INSC: variants seen among roughly 807,000 people sequenced by gnomAD.
The protein encoded by INSC is protein inscuteable homolog.
Under a neutral mutation model 58.6 loss-of-function variants are expected in INSC, and 67 were observed. The ratio of observed to expected loss-of-function variants is 1.14; its 90% CI spans 0.94 to 1.40. The LOEUF is 1.40. Among genes scored for constraint, INSC ranks in the 40% most tolerant of loss-of-function variants. The pLI, the probability that INSC is intolerant of heterozygous loss-of-function variation, is 0.00. For synonymous variants in INSC, 262 were observed against 276.1 expected, an observed-to-expected ratio of 0.95 and a Z score of 0.51; for missense variants, 714 against 692.0, an observed-to-expected ratio of 1.03 and a Z score of -0.36.
intron 7 of INSC, among the ~76,000 whole-genome samples, chr11:15,210,407 G>A (rs1696739027): frequency 6.6e-6 from 1 of 152,120 alleles, no homozygotes; most frequent in Non-Finnish European, 1.5e-5. Flanking sequence ...CCTGTTCTGT[G>A]GGTTTGGGTT....
In INSC at chr11:15,147,192, C is replaced by T. The variant is rs77952543; in HGVS notation, c.-45-1938C>T. Among the ~76,000 whole-genome samples the T allele has an allele frequency of 2.2e-3, 338 of 152,264 alleles. 1 individual carries two copies. The highest frequency in any genetic ancestry group is 7.4e-3 in the African/African-American group (309 of 41,526). ...GTCAAACATATCAAAAGGGAGCAAA[C>T]GCCTCATTTTATTGTTCCTAGTTTT... On this transcript the variant is annotated intron_variant, in intron 1 of 12. Transcript: ENST00000379556.
chr11:15,203,435 G>A (rs1291575219), intron 7 of INSC, among the ~76,000 whole-genome samples: 1 of 152,144 alleles, frequency 6.6e-6, no homozygotes, highest in Admixed American at 6.5e-5. Context: ...ACCCTGGTAA[G>A]AGCCCCTGAG....
chr11:15,190,940 G>A, intron 6 of INSC, 126 bp downstream of exon 6: 1 of 653,294 alleles, frequency 1.5e-6, no homozygotes, highest in Non-Finnish European at 2.7e-6. Context: ...GAGTCTCCTT[G>A]GGAGAGTCAC....
rs747072235 is a variant in INSC, at chr11:15,175,737, G to A, written c.57-4G>A. ...ATTATCGTGGTGCTGTTTCCTGGTTGCAGGCTACACCTGATGCAGGTGGAC... is the reference window on the plus strand; with the variant it reads ...ATTATCGTGGTGCTGTTTCCTGGTTACAGGCTACACCTGATGCAGGTGGAC... On this transcript the variant is annotated splice_polypyrimidine_tract_variant and splice_region_variant and intron_variant, in intron 2 of 12. Transcript: ENST00000379556. 1.3e-6 allele frequency: 2 copies of A among 1,533,386 alleles called. No individual in the cohort carries two copies. Among genetic ancestry groups the A allele is most frequent in the East Asian group, 2.3e-5 (1 of 43,684 alleles). The allele number at this position is 1,533,386 out of a possible 1,614,324, so 95.0% of individuals were successfully genotyped here. A position where few individuals can be genotyped will look rare whatever the true frequency, so the allele number is the denominator to read the frequency against.
chr11:15,123,767 G>A (rs755442884), intron 1 of INSC, among the ~76,000 whole-genome samples: 2 of 152,186 alleles, frequency 1.3e-5, no homozygotes, highest in Non-Finnish European at 2.9e-5. Context: ...GACCATACAG[G>A]AGATAGAAGG....
At chr11:15,138,915 C>T (rs935429435) in intron 1 of INSC, among the ~76,000 whole-genome samples, 1 of 152,076 alleles carries the variant, frequency 6.6e-6, no homozygotes, top group South Asian at 2.1e-4. Flanking sequence ...CGAGACCTCA[C>T]CAGGCTACCT....
At chr11:15,141,035 T>C (rs1414463656) in intron 1 of INSC, among the ~76,000 whole-genome samples, 3 of 152,184 alleles carry the variant, frequency 2.0e-5, no homozygotes, top group African/African-American at 7.2e-5. Flanking sequence ...CAGTGCCTTA[T>C]ACACAGTAAA....
intron 1 of INSC, among the ~76,000 whole-genome samples, chr11:15,129,014 T>C (rs924586198): frequency 6.6e-6 from 1 of 152,202 alleles, no homozygotes; most frequent in Admixed American, 6.5e-5. Flanking sequence ...TTTATTTCTC[T>C]CTGGGCCAAT....
intron 2 of INSC, among the ~76,000 whole-genome samples, chr11:15,165,269 C>G (rs959974681): frequency 2.6e-5 from 4 of 151,874 alleles, no homozygotes; most frequent in Non-Finnish European, 5.9e-5. Context: ...ATGTTTTTGA[C>G]TTTTAAGTAA....
intron 5 of INSC, among the ~76,000 whole-genome samples, chr11:15,188,027 G>A (rs1009293563): frequency 3.3e-5 from 5 of 152,160 alleles, no homozygotes; most frequent in African/African-American, 1.2e-4. Context: ...AGAAAAGGAG[G>A]AAGGAAAAGA....
At chr11:15,177,603 A>G (rs1351469857) in intron 4 of INSC, among the ~76,000 whole-genome samples, 2 of 152,202 alleles carry the variant, frequency 1.3e-5, no homozygotes, top group Non-Finnish European at 2.9e-5. Flanking sequence ...CAGCACAGAA[A>G]TACATTCACA....
chr11:15,221,359 T>C, intron 7 of INSC, 118 bp from the exon 8 acceptor site: 19 of 1,220,850 alleles, frequency 1.6e-5, no homozygotes, highest in Non-Finnish European at 2.1e-5. Flanking sequence ...TGGGCTGTTC[T>C]GGGAAGCCAG....
intron 2 of INSC, among the ~76,000 whole-genome samples, chr11:15,170,259 G>A (rs1254538196): frequency 6.6e-6 from 1 of 152,004 alleles, no homozygotes; most frequent in Non-Finnish European, 1.5e-5. Flanking sequence ...ACTGTATTCA[G>A]ATTTCACTAG....
At chr11:15,230,593 G>A (rs1851889905) in intron 9 of INSC, among the ~76,000 whole-genome samples, 1 of 152,194 alleles carries the variant, frequency 6.6e-6, no homozygotes, top group African/African-American at 2.4e-5. Context: ...AAACATATCA[G>A]GGATATTGTG....
At chr11:15,239,681 C>T (rs757860031) in intron 11 of INSC, among the ~76,000 whole-genome samples, 2 of 152,140 alleles carry the variant, frequency 1.3e-5, no homozygotes, top group African/African-American at 2.4e-5. Flanking sequence ...GAGATATTCT[C>T]ACTTCAGTAT....
At chr11:15,216,077 G>T (rs1851207553) in intron 7 of INSC, among the ~76,000 whole-genome samples, 1 of 152,190 alleles carries the variant, frequency 6.6e-6, no homozygotes, top group Non-Finnish European at 1.5e-5. Flanking sequence ...AGTCACTGAG[G>T]CAACTTGGGT....
chr11:15,113,380 T>G (rs984034825), upstream of INSC, among the ~76,000 whole-genome samples: 1 of 152,088 alleles, frequency 6.6e-6, no homozygotes, highest in Non-Finnish European at 1.5e-5. Flanking sequence ...AGGATGGACT[T>G]AATCTCCGGA....
chr11:15,112,648 G>A (rs1347818214), upstream of INSC: 5 of 345,838 alleles, frequency 1.4e-5, no homozygotes, highest in Non-Finnish European at 2.0e-5. Context: ...ATTGGGAAGT[G>A]GGGGGGGGGC....
intron 9 of INSC, among the ~76,000 whole-genome samples, chr11:15,226,333 A>G (rs1714338): frequency 0.64 from 97,021 of 152,078 alleles, 31,616 homozygotes; most frequent in East Asian, 0.96. Flanking sequence ...ACCTTCATTC[A>G]GGGCCTCAGC....
Sources: allele counts gnomAD v4.1 joint callset (sites outside exome capture counted in the v4.1 genomes callset), GRCh38; gene constraint gnomAD v4.1.1; transcripts MANE v1.5; gene names NCBI Gene and HGNC (gene_info 2026-07-23, HGNC 2026-07-21).